Variants in STXBP5 observed in about 807,000 individuals in gnomAD.
STXBP5 encodes the protein syntaxin-binding protein 5.
A neutral mutation model predicts 152.4 loss-of-function variants in STXBP5; 50 were observed. The observed-to-expected ratio is 0.33, with a 90% CI of 0.26 to 0.42. STXBP5 has a LOEUF of 0.42. STXBP5 is among the 10% of genes least tolerant of loss of function. The pLI, the probability that STXBP5 is intolerant of heterozygous loss-of-function variation, is 1.00. For missense variants in STXBP5, 1,167 were observed against 1,388.6 expected, an observed-to-expected ratio of 0.84 and a Z score of 2.54; for synonymous variants, 492 against 494.7, an observed-to-expected ratio of 0.99 and a Z score of 0.07.
At chr6:147,205,878 T>G in intron 1 of STXBP5, 93 bp from the exon 2 acceptor site, 1 of 869,826 alleles carries the variant, frequency 1.1e-6, no homozygotes, top group Non-Finnish European at 1.9e-6. Context: ...GCATCAGTGG[T>G]AGTGGTTCTA....
intron 26 of STXBP5, among the ~76,000 whole-genome samples, chr6:147,374,465 A>G (rs1785713653): frequency 6.6e-6 from 1 of 152,178 alleles, no homozygotes; most frequent in African/African-American, 2.4e-5. Flanking sequence ...CAGTTCAATG[A>G]AATTTTTTTA....
chr6:147,223,878 G>A (rs1348502847), intron 2 of STXBP5, among the ~76,000 whole-genome samples: 1 of 151,856 alleles, frequency 6.6e-6, no homozygotes, highest in Non-Finnish European at 1.5e-5. Context: ...TATATAGAGA[G>A]GATGTCGTTT....
chr6:147,363,516 T>C lies in STXBP5; in HGVS notation c.2727T>C (p.Ile909=). The stretch of plus-strand genomic sequence containing the variant: ...TATCCCCCTCCTCTTCTCAGGAAAT[T>C]AGTGAAAACCAGTATGCAGTGATAT... ...VSVSPSSSQE[I]SENQYAVICS... Residue 909 remains isoleucine, a synonymous_variant, in exon 24 of 28, where the codon ATT becomes ATC. Coordinates refer to ENST00000321680, the MANE Select transcript of STXBP5 (RefSeq NM_001127715.4). The C allele has an allele frequency of 6.2e-7, 1 of 1,614,068 alleles. No homozygotes were observed. Among genetic ancestry groups the C allele is most frequent in the Non-Finnish European group, 8.5e-7 (1 of 1,180,014 alleles).
chr6:147,318,043 C>T (rs1023574343), intron 16 of STXBP5, among the ~76,000 whole-genome samples: 1 of 152,036 alleles, frequency 6.6e-6, no homozygotes, highest in Non-Finnish European at 1.5e-5. Flanking sequence ...ACATTATCTT[C>T]AACAGAATTA....
chr6:147,288,400 T>G (rs1421588025), intron 8 of STXBP5, among the ~76,000 whole-genome samples: 1 of 152,176 alleles, frequency 6.6e-6, no homozygotes, highest in Non-Finnish European at 1.5e-5. Context: ...ACCACTGAGC[T>G]GGGTAGCTAG....
chr6:147,283,771 T>C (rs1307063657), intron 8 of STXBP5, among the ~76,000 whole-genome samples: 2 of 152,154 alleles, frequency 1.3e-5, no homozygotes, highest in Non-Finnish European at 2.9e-5. Context: ...CCACTGTCCT[T>C]TTCTTGGCCA....
At chr6:147,226,675 T>C (rs1431182524) in intron 2 of STXBP5, among the ~76,000 whole-genome samples, 1 of 152,224 alleles carries the variant, frequency 6.6e-6, no homozygotes, top group Non-Finnish European at 1.5e-5. Flanking sequence ...GTGAGAATAA[T>C]TGAAAAGGTT....
chr6:147,363,562 G>A lies in STXBP5; in HGVS notation c.2773G>A (p.Val925Ile), dbSNP rs1403191447. 1.2e-6 allele frequency: 2 copies of A among 1,614,142 alleles called. No individual in the cohort carries two copies. Among genetic ancestry groups the A allele is most frequent in the South Asian group, 2.2e-5 (2 of 91,086 alleles). The stretch of plus-strand genomic sequence containing the variant: ...GATATGTTCTGAAAAGCAAGCAAAA[G>A]TAATCTCACTGCCAACCCAGAACTG... Reference protein sequence around the residue: ...AVICSEKQAKVISLPTQNCAY... With the variant: ...AVICSEKQAKIISLPTQNCAY... Residue 925 changes from valine to isoleucine, a missense_variant, in exon 24 of 28, where the codon GTA becomes ATA. Around this residue, in one of 3 missense-constraint regions of STXBP5, gnomAD observed 833 missense variants for 986.3 expected, o/e 0.84. Transcript: ENST00000321680.
intron 16 of STXBP5, among the ~76,000 whole-genome samples, chr6:147,320,866 C>T (rs1270019959): frequency 6.6e-6 from 1 of 151,966 alleles, no homozygotes; most frequent in Non-Finnish European, 1.5e-5. Context: ...AACCCAAGAA[C>T]AAGAATGCAT....
In STXBP5 at chr6:147,315,639, G is replaced by C; in HGVS notation, c.1527G>C (p.Trp509Cys). 1 of 1,613,916 alleles carries C rather than the reference G, an allele frequency of 6.2e-7. No homozygotes were observed. The highest frequency in any genetic ancestry group is 2.2e-5 in the East Asian group (1 of 44,838). The change falls in exon 15 of 28, where the codon TGG becomes TGC. Residue 509 changes from tryptophan to cysteine, a missense_variant. Around this residue, in one of 3 missense-constraint regions of STXBP5, gnomAD observed 833 missense variants for 986.3 expected, o/e 0.84. Transcript: ENST00000321680. ...EDPYAIQIISWCPESRMLCIA... is the reference protein window; with the variant it reads ...EDPYAIQIISCCPESRMLCIA... The stretch of plus-strand genomic sequence containing the variant: ...CATATGCCATTCAGATCATCTCCTG[G>C]TGTCCAGAAAGTAGAATGCTGTGCA...
intron 9 of STXBP5, among the ~76,000 whole-genome samples, chr6:147,299,164 G>A (rs1363184263): frequency 6.6e-6 from 1 of 151,304 alleles, no homozygotes; most frequent in Non-Finnish European, 1.5e-5. Flanking sequence ...ATTCAGAGAT[G>A]AAAAAGGAAA....
At chr6:147,278,761 A>G (rs1292385184) in intron 8 of STXBP5, among the ~76,000 whole-genome samples, 1 of 152,216 alleles carries the variant, frequency 6.6e-6, no homozygotes, top group Admixed American at 6.5e-5. Context: ...GCAAAGGGAA[A>G]AAACACATGA....
chr6:147,271,995 A>G lies in STXBP5; in HGVS notation c.714+4828A>G, dbSNP rs944056322. On this transcript the variant is annotated intron_variant, in intron 7 of 27. Coordinates refer to ENST00000321680, the MANE Select transcript of STXBP5 (RefSeq NM_001127715.4). Reference sequence around the variant, plus strand: ...AAGGAAATATGTACTTAATGCCAATAAATCCAGCAATTTAGATGAAATGGA... The same window carrying G: ...AAGGAAATATGTACTTAATGCCAATGAATCCAGCAATTTAGATGAAATGGA... Among the ~76,000 whole-genome samples, 3 of 152,318 alleles carry G rather than the reference A, an allele frequency of 2.0e-5. 1 individual carries two copies. Among genetic ancestry groups the G allele is most frequent in the African/African-American group, 7.2e-5 (3 of 41,588 alleles).
chr6:147,268,063 G>T (rs552881271), intron 7 of STXBP5, among the ~76,000 whole-genome samples: 2 of 152,210 alleles, frequency 1.3e-5, no homozygotes, highest in African/African-American at 4.8e-5. Context: ...CATCTTAAGG[G>T]GTTGTTCTCT....
At chr6:147,353,453 A>C in intron 22 of STXBP5, 80 bp downstream of exon 22, 2 of 923,284 alleles carry the variant, frequency 2.2e-6, no homozygotes, top group Non-Finnish European at 3.2e-6. Flanking sequence ...TAGTTACTGT[A>C]AGATAGTCAT....
intron 8 of STXBP5, among the ~76,000 whole-genome samples, chr6:147,289,603 A>G (rs886244546): frequency 6.6e-6 from 1 of 152,168 alleles, no homozygotes; most frequent in Non-Finnish European, 1.5e-5. Flanking sequence ...ATTTTCTAAT[A>G]CAAGGAAGAT....
intron 7 of STXBP5, among the ~76,000 whole-genome samples, chr6:147,272,480 A>G (rs947509744): frequency 3.3e-5 from 5 of 152,190 alleles, no homozygotes; most frequent in African/African-American, 9.6e-5. Flanking sequence ...CTTTGTTTCC[A>G]TGAGTTTGTG....
intron 22 of STXBP5, among the ~76,000 whole-genome samples, chr6:147,356,630 T>C (rs764980805): frequency 1.3e-5 from 2 of 152,010 alleles, no homozygotes; most frequent in Non-Finnish European, 2.9e-5. Flanking sequence ...AAATGATCCA[T>C]AGTATTATCA....
intron 17 of STXBP5, among the ~76,000 whole-genome samples, chr6:147,325,447 G>A (rs1660430169): frequency 6.6e-6 from 1 of 152,080 alleles, no homozygotes; most frequent in African/African-American, 2.4e-5. Context: ...TTATAAAACT[G>A]ATTTTTGTAA....
Sources: gnomAD v4.1 joint callset for allele counts (sites outside exome capture counted in the v4.1 genomes callset) on GRCh38, gnomAD v4.1.1 for gene constraint, gnomAD v4.1.1 regional missense constraint, MANE v1.5 for transcripts, NCBI Gene and HGNC (gene_info 2026-07-23, HGNC 2026-07-21) for gene names.